Variants in TGM4 observed in about 807,000 individuals in gnomAD.
TGM4 encodes the protein protein-glutamine gamma-glutamyltransferase 4.
Under a neutral mutation model 76.3 loss-of-function variants are expected in TGM4, and 61 were observed. The observed-to-expected ratio is 0.80, with a 90% CI of 0.65 to 0.99. The LOEUF is 0.99. TGM4 is among the 50% of genes least tolerant of loss of function. TGM4 has a pLI of 0.00. For synonymous variants in TGM4, 337 were observed against 329.8 expected (o/e 1.02, Z -0.24); for missense variants, 794 against 843.2 (o/e 0.94, Z 0.72).
intron 11 of TGM4, 134 bp from the exon 12 acceptor site, chr3:44,910,824 G>A: frequency 2.0e-6 from 2 of 976,276 alleles, no homozygotes; most frequent in South Asian, 3.6e-5. Context: ...GTTTTCTAAA[G>A]AGAGTATGGG....
Position 44,913,881 on chromosome 3 carries a change from C to G in TGM4, c.*156C>G. 1.0e-6 allele frequency: 1 copy of G among 994,452 alleles called. No homozygotes were observed. Among genetic ancestry groups the G allele is most frequent in the Non-Finnish European group, 1.5e-6 (1 of 683,796 alleles). The allele number at this position is 994,452 out of a possible 1,614,324, so 61.6% of individuals were successfully genotyped here. A position where few individuals can be genotyped will look rare whatever the true frequency, so the allele number is the denominator to read the frequency against. Reference sequence around the variant, plus strand: ...GCCAACACAACCATAAGCAGCCAGACCCACAAGGCCAGGTCCTGTGCTATC... The same window carrying G: ...GCCAACACAACCATAAGCAGCCAGAGCCACAAGGCCAGGTCCTGTGCTATC... On this transcript the variant is annotated 3_prime_UTR_variant, in exon 14 of 14. Coordinates refer to ENST00000296125, the MANE Select transcript of TGM4 (RefSeq NM_003241.4).
At chr3:44,891,542 A>ACAC (rs750724127) in intron 4 of TGM4, among the ~76,000 whole-genome samples, 85 of 138,652 alleles carry the variant, frequency 6.1e-4, no homozygotes, top group Middle Eastern at 3.6e-3. Flanking sequence ...CACACACACA[A>ACAC]GCTTTTTATT....
chr3:44,885,252 G>T, intron 1 of TGM4, 73 bp from the exon 2 acceptor site: 1 of 1,468,772 alleles, frequency 6.8e-7, no homozygotes, highest in Non-Finnish European at 9.2e-7. Flanking sequence ...CTCAGATTTT[G>T]AACCCAGAAA....
rs565945502 is a variant in TGM4, at chr3:44,876,242, C to T, written c.19+1545C>T. Among the ~76,000 whole-genome samples, 15 of 152,330 alleles carry T rather than the reference C, an allele frequency of 9.8e-5. No homozygotes were observed. The East Asian group carries it at 2.9e-3, about 29-fold the overall frequency. On this transcript the variant is annotated intron_variant, in intron 1 of 13. Transcript: ENST00000296125. ...ACTTTACTCTCAAGGTCTAAATCAC[C>T]AAAGACAGTCATCTCCTGGCCACCA...
Position 44,913,954 on chromosome 3 carries a change from A to C in TGM4, c.*229A>C, listed in dbSNP as rs764928691. On this transcript the variant is annotated 3_prime_UTR_variant, in exon 14 of 14. Transcript: ENST00000296125. ...TAGAAACACCAGCCGAGGCCACAGA[A>C]TCCCATCCCTTTCCTGAGTCATGGC... 4 of 462,056 alleles carry C rather than the reference A, an allele frequency of 8.7e-6. No individual in the cohort carries two copies. Among genetic ancestry groups the C allele is most frequent in the Admixed American group, 4.0e-5 (1 of 24,910 alleles). The allele number at this position is 462,056 out of a possible 1,614,324, so 28.6% of individuals were successfully genotyped here.
chr3:44,903,967 C>T lies in TGM4; in HGVS notation c.1055C>T (p.Thr352Met), dbSNP rs775418529. 6.6e-5 allele frequency: 107 copies of T among 1,613,862 alleles called. No individual in the cohort carries two copies. Among genetic ancestry groups the T allele is most frequent in the Non-Finnish European group, 7.6e-5 (90 of 1,180,018 alleles). ...GYDGWQAVDA[T>M]PQERSQGVFC... ...GACGGCTGGCAGGCTGTGGACGCAA[C>T]GCCGCAGGAGCGAAGCCAGGGTGAG... The change falls in exon 9 of 14, where the codon ACG becomes ATG. Residue 352 changes from threonine to methionine, a missense_variant. Thr to Met is a moderately conservative substitution (Grantham distance 81). Transcript: ENST00000296125.
At chr3:44,894,008 C>T (rs1373339982) in intron 5 of TGM4, among the ~76,000 whole-genome samples, 14 of 98,908 alleles carry the variant, frequency 1.4e-4, no homozygotes, top group Non-Finnish European at 2.7e-4. Flanking sequence ...CTCTCCCACC[C>T]CCCACGGCTC....
intron 13 of TGM4, among the ~76,000 whole-genome samples, chr3:44,912,785 T>C (rs1575729912): frequency 6.6e-6 from 1 of 152,244 alleles, no homozygotes; most frequent in Admixed American, 6.5e-5. Context: ...GTTTTCTTTA[T>C]ATACCACTTG....
chr3:44,888,583 T>C (rs1324082181), intron 3 of TGM4: 1 of 152,236 alleles, frequency 6.6e-6, no homozygotes, highest in Non-Finnish European at 1.5e-5. Flanking sequence ...TTTCAGGGTA[T>C]CATGAAAATC....
At chr3:44,885,776 T>G (rs2125749222) in intron 2 of TGM4, among the ~76,000 whole-genome samples, 1 of 152,120 alleles carries the variant, frequency 6.6e-6, no homozygotes, top group South Asian at 2.1e-4. Context: ...TCTGCCGTGG[T>G]GGGGTCTGGA....
At chr3:44,879,261 CTCTCTATATA>C (rs1316354174) in intron 1 of TGM4, among the ~76,000 whole-genome samples, 5 of 93,338 alleles carry the variant, frequency 5.4e-5, no homozygotes, top group African/African-American at 1.1e-4. Context: ...CTCTCTCTCT[CTCTCTATATA>C]TATATATATA....
rs1278520847 is a variant in TGM4 at position 44,885,743 on chromosome 3, G to A, written c.193+245G>A. ...TAAGCAGGGGAGGGGCCAGAGCAGA[G>A]AGAGGAGGTGACTCAGCGGGCATCT... On this transcript the variant is annotated intron_variant, in intron 2 of 13. Coordinates refer to ENST00000296125, the MANE Select transcript of TGM4 (RefSeq NM_003241.4). Among the ~76,000 whole-genome samples the A allele has an allele frequency of 5.3e-5, 8 of 152,328 alleles. No individual in the cohort carries two copies. The East Asian group carries it at 1.2e-3, about 22-fold the overall frequency.
At position 44,907,163 on chromosome 3, in the gene TGM4, G is replaced by A. The variant is rs1441877870; in HGVS notation, c.1290G>A (p.Arg430=). 2 of 1,613,946 alleles carry A rather than the reference G, an allele frequency of 1.2e-6. No individual in the cohort carries two copies. The highest frequency in any genetic ancestry group is 1.7e-6 in the Non-Finnish European group (2 of 1,180,034). ...NISTKAVGQD[R]RRDITYEYKY... ...GCACCAAGGCAGTGGGCCAAGACAG[G>A]CGGAGAGATATCACCTATGAGTACA... The change falls in exon 10 of 14, where the codon AGG becomes AGA. Residue 430 remains arginine, a synonymous_variant. Transcript: ENST00000296125.
intron 6 of TGM4, among the ~76,000 whole-genome samples, chr3:44,897,104 T>G (rs1053971729): frequency 6.6e-6 from 1 of 150,456 alleles, no homozygotes; most frequent in Non-Finnish European, 1.5e-5. Context: ...ATCCAGGTTT[T>G]AAGCAATTCT....
Position 44,885,449 on chromosome 3 carries a change from G to T in TGM4, c.144G>T (p.Leu48=), listed in dbSNP as rs781658460. The change falls in exon 2 of 14, where the codon CTG becomes CTT. Residue 48 remains leucine, a synonymous_variant. Transcript: ENST00000296125. The part of the protein sequence containing the change: ...RGQVFHLRLV[L]NQPLQSYHQL... ...AGGTGTTTCACCTGCGGCTGGTGCTGAACCAGCCCCTACAATCCTACCACC... is the reference window on the plus strand; with the variant it reads ...AGGTGTTTCACCTGCGGCTGGTGCTTAACCAGCCCCTACAATCCTACCACC... 6.2e-7 allele frequency: 1 copy of T among 1,612,922 alleles called. No homozygotes were observed. The highest frequency in any genetic ancestry group is 8.5e-7 in the Non-Finnish European group (1 of 1,179,860).
Position 44,901,611 on chromosome 3 carries a change from A to C in TGM4, c.745A>C (p.Ser249Arg). The C allele has an allele frequency of 6.2e-7, 1 of 1,614,196 alleles. No individual in the cohort carries two copies. Among genetic ancestry groups the C allele is most frequent in the Non-Finnish European group, 8.5e-7 (1 of 1,180,026 alleles). Residue 249 changes from serine (S) to arginine (R), a missense_variant, in exon 7 of 14, where the codon AGT (serine) becomes CGT (arginine). Coordinates refer to ENST00000296125, the MANE Select transcript of TGM4 (RefSeq NM_003241.4). ...GGTAPYKWTG[S>R]APILQQYYNT... ...CACAGCCCCATACAAGTGGACAGGC[A>C]GTGCCCCGATCCTGCAGCAGTACTA... is the stretch of plus-strand genomic sequence containing the variant.
At chr3:44,889,170 TAAA>T (rs546432543) in intron 3 of TGM4, 182 of 40,204 alleles carry the variant, frequency 4.5e-3, no homozygotes, top group Non-Finnish European at 6.2e-3. Flanking sequence ...CCATCTCTAC[TAAA>T]AAAAAAAAAA....
intron 9 of TGM4, among the ~76,000 whole-genome samples, chr3:44,905,275 C>T (rs1038808940): frequency 2.1e-4 from 31 of 147,824 alleles, no homozygotes; most frequent in East Asian, 8.1e-4. Flanking sequence ...TGTGAACCAC[C>T]GCACCCAGCC....
intron 1 of TGM4, 103 bp from the exon 2 acceptor site, chr3:44,885,222 C>T (rs1699585711): frequency 3.2e-6 from 4 of 1,265,716 alleles, no homozygotes; most frequent in Non-Finnish European, 4.3e-6. Context: ...CTCTAAAGCC[C>T]AGCTCCACCT....
Sources: allele counts gnomAD v4.1 joint callset (sites outside exome capture counted in the v4.1 genomes callset), GRCh38; gene constraint gnomAD v4.1.1; transcripts MANE v1.5; gene names NCBI Gene and HGNC (gene_info 2026-07-23, HGNC 2026-07-21).